Variants in FREM2 observed in about 807,000 individuals in gnomAD.
The protein encoded by FREM2 is FRAS1 related extracellular matrix 2.
A neutral mutation model predicts 219.9 loss-of-function variants in FREM2; 119 were observed. That is an observed-to-expected ratio of 0.54 (90% CI 0.47 to 0.63). FREM2 has a LOEUF of 0.63. Ranked by LOEUF, FREM2 falls within the 30% of genes least tolerant of loss-of-function variation. FREM2 has a pLI of 0.00. For missense variants in FREM2, 4,030 were observed against 3,993.6 expected (o/e 1.01, Z -0.25); for synonymous variants, 1,562 against 1,522.8 (o/e 1.03, Z -0.60).
At chr13:38,833,257 TAATA>T (rs1349039580) in intron 6 of FREM2, among the ~76,000 whole-genome samples, 1 of 152,188 alleles carries the variant, frequency 6.6e-6, no homozygotes, top group African/African-American at 2.4e-5. Flanking sequence ...TATTTTTTAA[TAATA>T]AAGCTAACAA....
intron 4 of FREM2, among the ~76,000 whole-genome samples, chr13:38,782,196 A>G (rs902969128): frequency 6.6e-6 from 1 of 152,228 alleles, no homozygotes; most frequent in East Asian, 1.9e-4. Flanking sequence ...AAAAATAATC[A>G]TGAAGTGTTT....
At chr13:38,729,063 G>A (rs533418155) in intron 2 of FREM2, among the ~76,000 whole-genome samples, 45 of 152,314 alleles carry the variant, frequency 3.0e-4, no homozygotes, top group Admixed American at 2.0e-3. Flanking sequence ...TTGAACTCCC[G>A]ACCTCAGGTG....
intron 2 of FREM2, among the ~76,000 whole-genome samples, chr13:38,745,545 T>C (rs1198851604): frequency 6.6e-6 from 1 of 152,248 alleles, no homozygotes; most frequent in Non-Finnish European, 1.5e-5. Context: ...TATATGGTTT[T>C]GTCTTTTCTA....
At chr13:38,757,464 G>A (rs1293926864) in intron 2 of FREM2, among the ~76,000 whole-genome samples, 1 of 152,100 alleles carries the variant, frequency 6.6e-6, no homozygotes, top group Non-Finnish European at 1.5e-5. Flanking sequence ...TTTTGTGCTT[G>A]TACATGGCTA....
chr13:38,728,157 A>AT (rs1339102189), intron 2 of FREM2, among the ~76,000 whole-genome samples: 4 of 151,974 alleles, frequency 2.6e-5, no homozygotes, highest in Non-Finnish European at 4.4e-5. Context: ...CCCAACACCA[A>AT]TATCATAAAC....
intron 6 of FREM2, among the ~76,000 whole-genome samples, chr13:38,813,811 C>T (rs912577673): frequency 3.3e-5 from 5 of 151,528 alleles, no homozygotes; most frequent in African/African-American, 1.2e-4. Context: ...TCTCTACCTT[C>T]TCTTTAAGGC....
At chr13:38,838,293 T>A (rs963741529) in intron 6 of FREM2, among the ~76,000 whole-genome samples, 25 of 152,290 alleles carry the variant, frequency 1.6e-4, no homozygotes, top group Non-Finnish European at 2.9e-4. Flanking sequence ...TGGCCCCCAC[T>A]CTCTTCTGGC....
Position 38,687,933 on chromosome 13 carries a change from A to C in FREM2, c.589A>C (p.Ser197Arg). ...GGTCGTGGAAGAGCTGCTGGGGACC[A>C]GCAATGCCCTGGACGCGCGGAGCCT... The part of the protein sequence containing the change: ...PLVVEELLGT[S>R]NALDARSLEF... Residue 197 changes from serine (S) to arginine (R), a missense_variant, in exon 1 of 24, where the codon AGC becomes CGC. Physicochemically the swap from Ser to Arg is moderately radical, Grantham distance 110 (BLOSUM62 -1). Around this residue, in one of 2 missense-constraint regions of FREM2, gnomAD observed 3,102 missense variants for 2,950.7 expected, o/e 1.05. Transcript: ENST00000280481. 1 of 1,604,020 alleles carries C rather than the reference A, an allele frequency of 6.2e-7. No individual in the cohort carries two copies. Among genetic ancestry groups the C allele is most frequent in the Non-Finnish European group, 8.5e-7 (1 of 1,174,394 alleles).
At chr13:38,786,103 T>C (rs1046460418) in intron 6 of FREM2, among the ~76,000 whole-genome samples, 24 of 152,182 alleles carry the variant, frequency 1.6e-4, no homozygotes, top group Non-Finnish European at 3.2e-4. Flanking sequence ...CTATGTAATG[T>C]ATTATTGTTA....
chr13:38,687,904 C>T lies in FREM2; in HGVS notation c.560C>T (p.Pro187Leu), dbSNP rs200691357. 4.2e-4 allele frequency: 673 copies of T among 1,591,790 alleles called. No homozygotes were observed. Among genetic ancestry groups the T allele is most frequent in the Non-Finnish European group, 5.0e-4 (585 of 1,167,452 alleles). Residue 187 changes from proline to leucine, a missense_variant, in exon 1 of 24, where the codon CCT becomes CTT. Coordinates refer to ENST00000280481, the MANE Select transcript of FREM2 (RefSeq NM_207361.6). Reference sequence around the variant, plus strand: ...CTGGAGGTTGTGACTCGGAACTTGCCTCTGGTCGTGGAAGAGCTGCTGGGG... The same window carrying T: ...CTGGAGGTTGTGACTCGGAACTTGCTTCTGGTCGTGGAAGAGCTGCTGGGG... The part of the protein sequence containing the change: ...TQLEVVTRNL[P>L]LVVEELLGTS...
chr13:38,869,759 A>G (rs956528590), intron 16 of FREM2, among the ~76,000 whole-genome samples: 1 of 152,242 alleles, frequency 6.6e-6, no homozygotes, highest in Non-Finnish European at 1.5e-5. Context: ...TTGGGTTCAC[A>G]ATAAAAAACA....
chr13:38,868,158 G>A (rs1432614426), intron 16 of FREM2, among the ~76,000 whole-genome samples: 1 of 152,192 alleles, frequency 6.6e-6, no homozygotes, highest in Non-Finnish European at 1.5e-5. Context: ...ACATAGGTGA[G>A]GGAGAAGAAA....
At chr13:38,871,302 A>G (rs898416951) in intron 16 of FREM2, among the ~76,000 whole-genome samples, 1 of 152,202 alleles carries the variant, frequency 6.6e-6, no homozygotes, top group African/African-American at 2.4e-5. Context: ...AGTTCTCATG[A>G]TTTAAATTAT....
intron 17 of FREM2, among the ~76,000 whole-genome samples, 161 bp downstream of exon 17, chr13:38,873,095 C>T (rs1443452938): frequency 6.6e-6 from 1 of 152,036 alleles, no homozygotes; most frequent in East Asian, 1.9e-4. Flanking sequence ...TCAAAAAACT[C>T]TTTAAACCAT....
chr13:38,742,440 A>C (rs566122506), intron 2 of FREM2, among the ~76,000 whole-genome samples: 1 of 152,306 alleles, frequency 6.6e-6, no homozygotes, highest in South Asian at 2.1e-4. Flanking sequence ...AGCTGTGAGG[A>C]GCTCCCTGGC....
At chr13:38,764,966 A>C (rs1877331180) in intron 3 of FREM2, among the ~76,000 whole-genome samples, 1 of 152,212 alleles carries the variant, frequency 6.6e-6, no homozygotes. Flanking sequence ...GTTGGAGTGC[A>C]GTGGCGTGAT....
chr13:38,826,959 A>G (rs1342841964), intron 6 of FREM2, among the ~76,000 whole-genome samples: 1 of 152,072 alleles, frequency 6.6e-6, no homozygotes, highest in South Asian at 2.1e-4. Flanking sequence ...TCTGTATAAC[A>G]TATTCTAATT....
chr13:38,752,479 G>T (rs145132851), intron 2 of FREM2, among the ~76,000 whole-genome samples: 196 of 151,992 alleles, frequency 1.3e-3, no homozygotes, highest in African/African-American at 4.6e-3. Context: ...TAATTTTCTG[G>T]GATTCTGAGT....
chr13:38,776,799 A>G (rs555635337), intron 4 of FREM2, among the ~76,000 whole-genome samples: 1 of 151,066 alleles, frequency 6.6e-6, no homozygotes, highest in African/African-American at 2.5e-5. Context: ...AAAAAAAAAA[A>G]CCCAGAGGTC....
Sources: gnomAD v4.1 joint callset for allele counts (sites outside exome capture counted in the v4.1 genomes callset) on GRCh38, gnomAD v4.1.1 for gene constraint, gnomAD v4.1.1 regional missense constraint, MANE v1.5 for transcripts, NCBI Gene and HGNC (gene_info 2026-07-23, HGNC 2026-07-21) for gene names.